The following NR1H4 variants were observed in gnomAD, a reference collection of about 807,000 sequenced individuals.
The protein encoded by NR1H4 is bile acid receptor.
A neutral mutation model predicts 58.5 loss-of-function variants in NR1H4; 23 were observed. That is an observed-to-expected ratio of 0.39 (90% CI 0.28 to 0.56). The LOEUF (loss-of-function observed/expected upper bound fraction) is 0.56, where lower values mean the gene tolerates loss of function less well. Among genes scored for constraint, NR1H4 ranks in the 20% least tolerant of loss-of-function variants. The pLI, the probability that NR1H4 is intolerant of heterozygous loss-of-function variation, is 0.58. For missense variants in NR1H4, 487 were observed against 576.9 expected, an observed-to-expected ratio of 0.84 and a Z score of 1.60; for synonymous variants, 214 against 198.0, an observed-to-expected ratio of 1.08 and a Z score of -0.68.
At chr12:100,552,631 A>G (rs1332225368) in intron 9 of NR1H4, among the ~76,000 whole-genome samples, 1 of 152,204 alleles carries the variant, frequency 6.6e-6, no homozygotes, top group Non-Finnish European at 1.5e-5. Context: ...GAGGTGAATA[A>G]GAAATATCTG....
intron 3 of NR1H4, among the ~76,000 whole-genome samples, chr12:100,508,025 A>G (rs1954009810): frequency 1.3e-5 from 2 of 151,976 alleles, no homozygotes; most frequent in African/African-American, 2.4e-5. Context: ...TCTTCTCTTT[A>G]CAGATGAACA....
chr12:100,495,993 T>C (rs1413200080), intron 3 of NR1H4, among the ~76,000 whole-genome samples: 1 of 152,154 alleles, frequency 6.6e-6, no homozygotes, highest in Non-Finnish European at 1.5e-5. Flanking sequence ...TGGGTTCAAC[T>C]GCCCAGAAAG....
intron 8 of NR1H4, 114 bp downstream of exon 8, chr12:100,537,161 C>A: frequency 2.8e-6 from 2 of 714,204 alleles, no homozygotes; most frequent in South Asian, 1.8e-5. Flanking sequence ...CCTGTGAGAT[C>A]AGCTCTATTT....
chr12:100,526,913 T>C (rs1321196321), intron 4 of NR1H4, among the ~76,000 whole-genome samples: 2 of 152,192 alleles, frequency 1.3e-5, no homozygotes, highest in Non-Finnish European at 2.9e-5. Flanking sequence ...GAGTTATCTT[T>C]ATTTAGAGAC....
chr12:100,561,832 TAC>T (rs1955481928), intron 9 of NR1H4, 51 bp from the exon 10 acceptor site: 2 of 801,326 alleles, frequency 2.5e-6, no homozygotes, highest in Non-Finnish European at 4.5e-6. Flanking sequence ...TTTCTAGTTT[TAC>T]ACTGTTTAGT....
intron 4 of NR1H4, among the ~76,000 whole-genome samples, chr12:100,518,995 C>G (rs1015235617): frequency 6.6e-6 from 1 of 151,864 alleles, no homozygotes; most frequent in African/African-American, 2.4e-5. Flanking sequence ...ACCATGTTGG[C>G]TAGGGTGGTT....
intron 9 of NR1H4, among the ~76,000 whole-genome samples, chr12:100,556,137 C>T (rs906189074): frequency 1.1e-4 from 16 of 152,060 alleles, no homozygotes; most frequent in Admixed American, 7.2e-4. Flanking sequence ...TTATTGTGCT[C>T]AAAATTTAAA....
At chr12:100,521,501 C>A (rs1254811293) in intron 4 of NR1H4, among the ~76,000 whole-genome samples, 4 of 152,180 alleles carry the variant, frequency 2.6e-5, no homozygotes, top group Non-Finnish European at 5.9e-5. Flanking sequence ...CAAATGGCTG[C>A]ATTTCCAAAT....
chr12:100,507,564 G>T (rs567178726), intron 3 of NR1H4, among the ~76,000 whole-genome samples: 48 of 152,274 alleles, frequency 3.2e-4, no homozygotes, highest in African/African-American at 9.4e-4. Context: ...CCAGGTTCAA[G>T]TGATTCTCCT....
chr12:100,488,280 G>A (rs1240642735), intron 1 of NR1H4, among the ~76,000 whole-genome samples: 6 of 152,166 alleles, frequency 3.9e-5, no homozygotes, highest in African/African-American at 7.2e-5. Context: ...GATTACAGGC[G>A]TGAGCCACTG....
At chr12:100,541,477 T>A (rs1270827285) in intron 9 of NR1H4, among the ~76,000 whole-genome samples, 1 of 152,056 alleles carries the variant, frequency 6.6e-6, no homozygotes, top group Non-Finnish European at 1.5e-5. Context: ...AGACAGAGTT[T>A]CTCCATGTTT....
At chr12:100,539,345 CTGAAT>C (rs530511714) in intron 8 of NR1H4, among the ~76,000 whole-genome samples, 4 of 152,262 alleles carry the variant, frequency 2.6e-5, no homozygotes, top group Admixed American at 2.6e-4. Flanking sequence ...TTGTGAAAAA[CTGAAT>C]TGAATCATTC....
chr12:100,561,324 G>A (rs1955467884), intron 9 of NR1H4, among the ~76,000 whole-genome samples: 1 of 152,122 alleles, frequency 6.6e-6, no homozygotes, highest in Admixed American at 6.5e-5. Context: ...CGGGAACCCG[G>A]GAGGCGGAGC....
chr12:100,538,795 C>CTGTA (rs1158536735), intron 8 of NR1H4, among the ~76,000 whole-genome samples: 3 of 152,074 alleles, frequency 2.0e-5, no homozygotes, highest in African/African-American at 7.2e-5. Context: ...AGACATAAGC[C>CTGTA]TACATAAAAC....
intron 10 of NR1H4, among the ~76,000 whole-genome samples, chr12:100,562,861 C>T (rs546149462): frequency 6.6e-6 from 1 of 152,306 alleles, no homozygotes; most frequent in Non-Finnish European, 1.5e-5. Context: ...TGTTACTTTG[C>T]TTTACCATAA....
chr12:100,509,917 A>G lies in NR1H4; in HGVS notation c.80-861A>G, dbSNP rs78464741. 7.8e-3 allele frequency among the ~76,000 whole-genome samples: 944 copies of G among 121,722 alleles called. 6 individuals carry two copies. The highest frequency in any genetic ancestry group is 0.017 in the East Asian group (44 of 2,602). The allele number at this position is 121,722 out of a possible 152,430, so 79.9% of individuals were successfully genotyped here. A position where few individuals can be genotyped will look rare whatever the true frequency, so the allele number is the denominator to read the frequency against. On this transcript the variant is annotated intron_variant, in intron 3 of 10. Transcript: ENST00000392986. Reference sequence around the variant, plus strand: ...TCTTTGCACGTGGGCACGTGCGCGCACACACACACACACACACACACACAG... The same window carrying G: ...TCTTTGCACGTGGGCACGTGCGCGCGCACACACACACACACACACACACAG...
intron 4 of NR1H4, among the ~76,000 whole-genome samples, chr12:100,516,916 CATA>C (rs1286265522): frequency 6.6e-6 from 1 of 152,072 alleles, no homozygotes; most frequent in African/African-American, 2.4e-5. Context: ...TTATGATTGA[CATA>C]ATAATTGTAC....
intron 2 of NR1H4, among the ~76,000 whole-genome samples, chr12:100,493,027 C>T (rs548958715): frequency 4.6e-5 from 7 of 151,808 alleles, no homozygotes; most frequent in Non-Finnish European, 8.8e-5. Flanking sequence ...TGAAAACATA[C>T]GGTGTTTTTT....
At chr12:100,557,962 T>C (rs568432487) in intron 9 of NR1H4, among the ~76,000 whole-genome samples, 2 of 152,282 alleles carry the variant, frequency 1.3e-5, no homozygotes, top group East Asian at 3.9e-4. Context: ...TTGTTTTGTT[T>C]TTCTGTCACC....
Sources: gnomAD v4.1 joint callset for allele counts (sites outside exome capture counted in the v4.1 genomes callset) on GRCh38, gnomAD v4.1.1 for gene constraint, MANE v1.5 for transcripts, NCBI Gene and HGNC (gene_info 2026-07-23, HGNC 2026-07-21) for gene names.